DTNB: variants seen among roughly 807,000 people sequenced by gnomAD.
DTNB encodes the protein DTN-B.
Under a neutral mutation model 90.7 loss-of-function variants are expected in DTNB, and 63 were observed. The observed-to-expected ratio is 0.69, with a 90% CI of 0.57 to 0.86. The LOEUF (loss-of-function observed/expected upper bound fraction) is 0.86, where lower values mean the gene tolerates loss of function less well. DTNB is among the 40% of genes least tolerant of loss of function. The probability of loss-of-function intolerance (pLI) is 0.00; values close to 1 mark genes in which losing one functional copy is unlikely to be tolerated. For synonymous variants in DTNB, 277 were observed against 286.7 expected (o/e 0.97, Z 0.34); for missense variants, 744 against 807.1 (o/e 0.92, Z 0.95).
chr2:25,633,284 C>T (rs979936497), intron 3 of DTNB, among the ~76,000 whole-genome samples: 4 of 151,600 alleles, frequency 2.6e-5, no homozygotes, highest in African/African-American at 7.2e-5. Context: ...CTGCCTCAGC[C>T]TGCCCAGCGC....
At chr2:25,590,816 G>A (rs2063419592) in intron 6 of DTNB, among the ~76,000 whole-genome samples, 1 of 152,216 alleles carries the variant, frequency 6.6e-6, no homozygotes, top group African/African-American at 2.4e-5. Context: ...CCAGGCTTCA[G>A]GCCCTCCCTG....
chr2:25,468,519 C>T (rs569632769), intron 10 of DTNB, among the ~76,000 whole-genome samples: 6 of 152,228 alleles, frequency 3.9e-5, no homozygotes, highest in Admixed American at 6.5e-5. Flanking sequence ...AGCGCAAGGA[C>T]GGGAGTCCAA....
chr2:25,409,701 C>T (rs1275385352), intron 16 of DTNB, among the ~76,000 whole-genome samples: 1 of 151,962 alleles, frequency 6.6e-6, no homozygotes, highest in East Asian at 1.9e-4. Flanking sequence ...TCACTAACTT[C>T]CTCCTTCTTG....
chr2:25,623,740 A>C (rs2073403485), intron 4 of DTNB, among the ~76,000 whole-genome samples: 1 of 152,254 alleles, frequency 6.6e-6, no homozygotes, highest in African/African-American at 2.4e-5. Flanking sequence ...TATAATGTTC[A>C]GCCTATAATA....
intron 16 of DTNB, among the ~76,000 whole-genome samples, chr2:25,395,504 G>A (rs1192392050): frequency 2.7e-5 from 4 of 149,218 alleles, no homozygotes; most frequent in Non-Finnish European, 5.9e-5. Context: ...TAATATACAT[G>A]TATATTTATG....
chr2:25,446,235 G>A (rs34912632), intron 12 of DTNB, among the ~76,000 whole-genome samples: 19,021 of 151,814 alleles, frequency 0.13, 1,523 homozygotes, highest in Non-Finnish European at 0.17. Flanking sequence ...GGATGTAATC[G>A]ACTGTTTTAT....
At chr2:25,628,910 T>C (rs2075061095) in intron 3 of DTNB, among the ~76,000 whole-genome samples, 1 of 152,200 alleles carries the variant, frequency 6.6e-6, no homozygotes, top group Non-Finnish European at 1.5e-5. Flanking sequence ...CAAAAATAAA[T>C]TTATCTACTG....
chr2:25,559,821 G>A (rs1239560368), intron 8 of DTNB, among the ~76,000 whole-genome samples: 1 of 152,220 alleles, frequency 6.6e-6, no homozygotes, highest in Non-Finnish European at 1.5e-5. Context: ...ATACACAGAG[G>A]AGAAGAGACA....
intron 9 of DTNB, among the ~76,000 whole-genome samples, chr2:25,483,991 C>T (rs1047785731): frequency 6.6e-6 from 1 of 152,166 alleles, no homozygotes; most frequent in Non-Finnish European, 1.5e-5. Context: ...CCATGTTGTA[C>T]AGGTTTGTAG....
chr2:25,490,733 G>C (rs904182563), intron 9 of DTNB, among the ~76,000 whole-genome samples: 3 of 152,156 alleles, frequency 2.0e-5, no homozygotes, highest in Admixed American at 6.5e-5. Context: ...TCAGCATATA[G>C]AAGATAACAA....
At chr2:25,671,696 G>C (rs1434826171) in intron 1 of DTNB, among the ~76,000 whole-genome samples, 1 of 152,168 alleles carries the variant, frequency 6.6e-6, no homozygotes, top group Non-Finnish European at 1.5e-5. Context: ...AACTCTGCCA[G>C]CACTACCTTG....
intron 2 of DTNB, among the ~76,000 whole-genome samples, chr2:25,644,875 A>G (rs1365806554): frequency 6.6e-6 from 1 of 152,196 alleles, no homozygotes; most frequent in East Asian, 1.9e-4. Context: ...TGGGGGACAG[A>G]GATGAGGCCA....
At chr2:25,571,776 G>A (rs2059903614) in intron 8 of DTNB, among the ~76,000 whole-genome samples, 1 of 152,078 alleles carries the variant, frequency 6.6e-6, no homozygotes, top group Admixed American at 6.6e-5. Context: ...AGTTCCTTTG[G>A]AGACCATTCT....
intron 12 of DTNB, among the ~76,000 whole-genome samples, chr2:25,440,515 G>A (rs1337865185): frequency 6.6e-6 from 1 of 152,216 alleles, no homozygotes; most frequent in African/African-American, 2.4e-5. Context: ...CTTGCAACAT[G>A]TGAGAACATT....
chr2:25,594,047 A>G (rs2064084043), intron 6 of DTNB, among the ~76,000 whole-genome samples: 1 of 152,230 alleles, frequency 6.6e-6, no homozygotes, highest in Admixed American at 6.5e-5. Flanking sequence ...CCTCCAAGGC[A>G]GCAGCAGGAG....
chr2:25,569,604 G>A (rs1384377000), intron 8 of DTNB, among the ~76,000 whole-genome samples: 2 of 152,110 alleles, frequency 1.3e-5, no homozygotes, highest in African/African-American at 4.8e-5. Flanking sequence ...AAATGTTCAG[G>A]ATCTGCTCCC....
rs560587568 is a variant in DTNB at position 25,664,424 on chromosome 2, C to A, written c.-2+8962G>T. Among the ~76,000 whole-genome samples the A allele has an allele frequency of 2.0e-5, 3 of 152,262 alleles. No individual in the cohort carries two copies. The East Asian group carries it at 5.8e-4, about 29-fold the overall frequency. On this transcript the variant is annotated intron_variant, in intron 1 of 20. Transcript: ENST00000406818. Reference sequence around the variant, plus strand: ...AAATCAGGTAATATGATCTGAAAGACCACTAAACCCAGCAGAGGTGAACTA... The same window carrying A: ...AAATCAGGTAATATGATCTGAAAGAACACTAAACCCAGCAGAGGTGAACTA...
intron 9 of DTNB, among the ~76,000 whole-genome samples, chr2:25,494,159 A>G (rs189898479): frequency 5.3e-5 from 8 of 152,304 alleles, no homozygotes; most frequent in African/African-American, 1.9e-4. Context: ...CAGAAACATT[A>G]CGTGAATTCT....
chr2:25,386,749 A>C (rs2039576563), intron 18 of DTNB, among the ~76,000 whole-genome samples: 1 of 152,222 alleles, frequency 6.6e-6, no homozygotes, highest in Non-Finnish European at 1.5e-5. Context: ...AGCTGAACAC[A>C]AGGAGCAGAA....
Sources: allele counts gnomAD v4.1 joint callset (sites outside exome capture counted in the v4.1 genomes callset), GRCh38; gene constraint gnomAD v4.1.1; transcripts MANE v1.5; gene names NCBI Gene and HGNC (gene_info 2026-07-23, HGNC 2026-07-21).